CCDC88C: variants seen among roughly 807,000 people sequenced by gnomAD.
CCDC88C encodes protein Daple.
Under a neutral mutation model 198.8 loss-of-function variants are expected in CCDC88C, and 131 were observed. The observed-to-expected ratio is 0.66, with a 90% CI of 0.57 to 0.76. The LOEUF is 0.76. Ranked by LOEUF, CCDC88C falls within the 30% of genes least tolerant of loss-of-function variation. The pLI is 0.00. For missense variants in CCDC88C, 2,553 were observed against 2,631.6 expected (o/e 0.97, Z 0.65); for synonymous variants, 1,166 against 1,114.7 (o/e 1.05, Z -0.92).
intron 3 of CCDC88C, among the ~76,000 whole-genome samples, chr14:91,400,678 C>G (rs756706133): frequency 1.3e-5 from 2 of 152,256 alleles, no homozygotes; most frequent in Non-Finnish European, 2.9e-5. Flanking sequence ...ACCTCACCGC[C>G]TGGCAGGGAC....
In CCDC88C at chr14:91,279,363, T is replaced by G. The variant is rs1198734838; in HGVS notation, c.4700-57A>C. On this transcript the variant is annotated intron_variant, in intron 27 of 29. Transcript: ENST00000389857. The stretch of plus-strand genomic sequence containing the variant: ...AGCCAATGACCAGGTATATCCCAGA[T>G]GAGCCATCTAAGAAAAACGATGCAG... 3.5e-6 allele frequency: 5 copies of G among 1,415,664 alleles called. No homozygotes were observed. In the Admixed American group the frequency reaches 1.1e-4, roughly 30 times the overall value. The allele number at this position is 1,415,664 out of a possible 1,614,324, so 87.7% of individuals were successfully genotyped here.
chr14:91,317,080 C>A (rs1248573513), intron 13 of CCDC88C, among the ~76,000 whole-genome samples: 1 of 152,206 alleles, frequency 6.6e-6, no homozygotes, highest in African/African-American at 2.4e-5. Flanking sequence ...CAAAGGGCTG[C>A]CCCTCTTCCT....
At position 91,339,569 on chromosome 14, in the gene CCDC88C, G is replaced by A. The variant is rs551394453; in HGVS notation, c.625-107C>T. ...ACCGCCAAAAGACAGATATTTCAGC[G>A]GAGACTAAGAAACGAGGAGGAAGGT... On this transcript the variant is annotated intron_variant, in intron 7 of 29. Coordinates refer to ENST00000389857, the MANE Select transcript of CCDC88C (RefSeq NM_001080414.4). The surrounding 1 kb of genome is among the most constrained non-coding windows in gnomAD (Gnocchi z 5.8). 15 of 1,126,006 alleles carry A rather than the reference G, an allele frequency of 1.3e-5. No homozygotes were observed. Among genetic ancestry groups the A allele is most frequent in the South Asian group, 4.8e-5 (3 of 61,856 alleles). 69.8% of individuals were successfully genotyped at this position (1,126,006 alleles called of 1,614,324 possible).
chr14:91,392,271 C>T (rs1348646747), intron 3 of CCDC88C, among the ~76,000 whole-genome samples: 1 of 152,104 alleles, frequency 6.6e-6, no homozygotes, highest in African/African-American at 2.4e-5. Flanking sequence ...TCACCCTTTC[C>T]TACATGCCAC....
chr14:91,279,204 A>G (rs1400712776), intron 28 of CCDC88C, 34 bp downstream of exon 28: 2 of 1,555,804 alleles, frequency 1.3e-6, no homozygotes, highest in African/African-American at 2.7e-5. Flanking sequence ...GGCCCAAATC[A>G]ATTTTTAAAA....
At position 91,273,688 on chromosome 14, in the gene CCDC88C, T is replaced by C. The variant is rs1036654091; in HGVS notation, c.5059-35A>G. ...AGAGAGTGAAGGTTGGAGGTGGGCA[T>C]GAGGGTTGGGTGGGTCCTTGGAGCC... On this transcript the variant is annotated intron_variant, in intron 29 of 29. Coordinates refer to ENST00000389857, the MANE Select transcript of CCDC88C (RefSeq NM_001080414.4). This position sits in a 1 kb window ranked among gnomAD's most constrained non-coding sequence, Gnocchi z 5.6. 2.1e-6 allele frequency: 3 copies of C among 1,431,412 alleles called. No individual in the cohort carries two copies. The highest frequency in any genetic ancestry group is 2.8e-6 in the Non-Finnish European group (3 of 1,088,458). 88.7% of individuals were successfully genotyped at this position (1,431,412 alleles called of 1,614,324 possible). A position where few individuals can be genotyped will look rare whatever the true frequency, so the allele number is the denominator to read the frequency against.
intron 18 of CCDC88C, among the ~76,000 whole-genome samples, chr14:91,306,183 C>A (rs1256383413): frequency 6.6e-6 from 1 of 152,212 alleles, no homozygotes; most frequent in Non-Finnish European, 1.5e-5. Context: ...GGAGTTAAAG[C>A]TGCTTCCTTT....
intron 2 of CCDC88C, among the ~76,000 whole-genome samples, chr14:91,412,449 T>G (rs1488616811): frequency 6.6e-6 from 1 of 152,008 alleles, no homozygotes; most frequent in East Asian, 1.9e-4. Context: ...TCTTTTTTTT[T>G]TTTTGAGATG....
intron 12 of CCDC88C, among the ~76,000 whole-genome samples, chr14:91,323,877 T>C (rs1420465537): frequency 6.6e-6 from 1 of 152,236 alleles, no homozygotes; most frequent in African/African-American, 2.4e-5. Flanking sequence ...AGCTAACTTC[T>C]CACACAGATT....
chr14:91,314,202 A>G, intron 14 of CCDC88C, 52 bp from the exon 15 acceptor site: 1 of 1,429,628 alleles, frequency 7.0e-7, no homozygotes, highest in Non-Finnish European at 9.5e-7. Flanking sequence ...AACCTATTTC[A>G]GTGACATGGG....
rs755826661 is a variant in CCDC88C at position 91,408,750 on chromosome 14, T to C, written c.179A>G (p.Asn60Ser). 4 of 1,613,262 alleles carry C rather than the reference T, an allele frequency of 2.5e-6. No homozygotes were observed. The East Asian group carries it at 6.7e-5, about 27-fold the overall frequency. ...IMLQIDPRPTNQRINKHVNND... is the reference protein window; with the variant it reads ...IMLQIDPRPTSQRINKHVNND... ...GTTGACGTGCTTATTGATGCGTTGA[T>C]TTGTGGGCCTGGGATCTCTAGGGGA... The change falls in exon 3 of 30, where the codon AAT becomes AGT. Residue 60 changes from asparagine (N) to serine (S), a missense_variant. Around this residue, in one of 2 missense-constraint regions of CCDC88C, gnomAD observed 1,260 missense variants for 1,412.0 expected, o/e 0.89. Coordinates refer to ENST00000389857, the MANE Select transcript of CCDC88C (RefSeq NM_001080414.4).
In CCDC88C at chr14:91,279,261, T is replaced by A. The variant is rs1167460595; in HGVS notation, c.4745A>T (p.Asn1582Ile). The A allele has an allele frequency of 6.2e-7, 1 of 1,601,844 alleles. No individual in the cohort carries two copies. The highest frequency in any genetic ancestry group is 1.1e-5 in the South Asian group (1 of 88,846). ...SLESSRNTSS[N>I]SSPLNLKGSS... Reference sequence around the variant, plus strand: ...ACCTTTTAGGTTAAGAGGTGAGCTGTTGCTGGATGTGTTTCTACTGCTCTC... The same window carrying A: ...ACCTTTTAGGTTAAGAGGTGAGCTGATGCTGGATGTGTTTCTACTGCTCTC... Residue 1582 changes from asparagine (N) to isoleucine (I), a missense_variant, in exon 28 of 30, where the codon AAC becomes ATC. Asn to Ile is a moderately radical substitution (Grantham distance 149, BLOSUM62 -3). Transcript: ENST00000389857.
chr14:91,341,268 C>T (rs1285796), intron 6 of CCDC88C, among the ~76,000 whole-genome samples: 1,824 of 152,284 alleles, frequency 0.012, 30 homozygotes, highest in East Asian at 0.022. Flanking sequence ...TTGGACATCT[C>T]GGGGCCTCTG....
intron 29 of CCDC88C, among the ~76,000 whole-genome samples, chr14:91,275,132 CA>C: frequency 6.6e-6 from 1 of 152,112 alleles, no homozygotes; most frequent in South Asian, 2.1e-4. Flanking sequence ...TCAGGTGTGT[CA>C]GGGGTAGGGG....
In CCDC88C at chr14:91,272,586, T is replaced by C. The variant is rs372598537; in HGVS notation, c.*39A>G. 7.9e-4 allele frequency: 1,243 copies of C among 1,568,776 alleles called. 2 individuals carry two copies. Among genetic ancestry groups the C allele is most frequent in the Non-Finnish European group, 1.0e-3 (1,168 of 1,157,276 alleles). On this transcript the variant is annotated 3_prime_UTR_variant, in exon 30 of 30. Transcript: ENST00000389857. The stretch of plus-strand genomic sequence containing the variant: ...AAGGCCGTGAGAGTCGGAAGGCGCG[T>C]CAGTAGTTTTCAGGTTTGCGAGCTC...
chr14:91,353,067 G>A (rs1893886872), intron 4 of CCDC88C, among the ~76,000 whole-genome samples: 1 of 152,204 alleles, frequency 6.6e-6, no homozygotes, highest in Non-Finnish European at 1.5e-5. Flanking sequence ...GGACACACTG[G>A]CAGGAGAGCA....
chr14:91,415,580 C>A (rs977409176), intron 2 of CCDC88C, among the ~76,000 whole-genome samples: 1 of 152,018 alleles, frequency 6.6e-6, no homozygotes, highest in Non-Finnish European at 1.5e-5. Flanking sequence ...ATTAGCCGGG[C>A]GTGGTGGCGC....
chr14:91,401,442 C>G (rs1480338270), intron 3 of CCDC88C, among the ~76,000 whole-genome samples: 1 of 151,072 alleles, frequency 6.6e-6, no homozygotes, highest in Non-Finnish European at 1.5e-5. Context: ...TCACGCCATT[C>G]TCCTGCCTCA....
intron 10 of CCDC88C, among the ~76,000 whole-genome samples, chr14:91,330,459 G>A (rs112516313): frequency 2.0e-4 from 30 of 152,226 alleles, no homozygotes; most frequent in Non-Finnish European, 2.8e-4. Flanking sequence ...AGGCAGACTG[G>A]CCAGTCCAGA....
Sources: allele counts gnomAD v4.1 joint callset (sites outside exome capture counted in the v4.1 genomes callset), GRCh38; gene constraint gnomAD v4.1.1; regional missense constraint gnomAD v4.1.1; non-coding constraint Gnocchi (gnomAD v3.1); transcripts MANE v1.5; gene names NCBI Gene and HGNC (gene_info 2026-07-23, HGNC 2026-07-21).